SIPA1L3: variants seen among roughly 807,000 people sequenced by gnomAD.
SIPA1L3 encodes the protein signal induced proliferation associated 1 like 3.
In SIPA1L3, 59 loss-of-function variants were observed where a neutral mutation model predicts 150.1. The observed-to-expected ratio is 0.39, with a 90% confidence interval of 0.32 to 0.49. The LOEUF is 0.49. Ranked by LOEUF, SIPA1L3 falls within the 20% of genes least tolerant of loss-of-function variation. The pLI, the probability that SIPA1L3 is intolerant of heterozygous loss-of-function variation, is 0.86. For missense variants in SIPA1L3, 2,211 were observed against 2,489.5 expected, an observed-to-expected ratio of 0.89 and a Z score of 2.38; for synonymous variants, 1,070 against 1,077.6, an observed-to-expected ratio of 0.99 and a Z score of 0.14.
intron 1 of SIPA1L3, among the ~76,000 whole-genome samples, chr19:38,020,524 G>A (rs1968349527): frequency 6.6e-6 from 1 of 152,166 alleles, no homozygotes. Context: ...TCCAGCAAAT[G>A]GCTGGTGACA....
intron 9 of SIPA1L3, among the ~76,000 whole-genome samples, chr19:38,123,728 A>G (rs1244148006): frequency 6.6e-6 from 1 of 151,930 alleles, no homozygotes; most frequent in African/African-American, 2.4e-5. Flanking sequence ...CCCCCTTTCT[A>G]TTCCACAAAA....
At chr19:38,072,742 G>A (rs729625) in intron 2 of SIPA1L3, among the ~76,000 whole-genome samples, 2 of 152,162 alleles carry the variant, frequency 1.3e-5, no homozygotes, top group Non-Finnish European at 2.9e-5. Flanking sequence ...AAGGGAAGTC[G>A]GGACTGTTGG....
At chr19:38,142,738 T>TA in intron 12 of SIPA1L3, 28 bp downstream of exon 12, 2 of 1,602,018 alleles carry the variant, frequency 1.2e-6, no homozygotes, top group South Asian at 1.1e-5. Context: ...CTTTTCATGT[T>TA]AAGGGATCTG....
chr19:38,015,203 A>G (rs967509314), intron 1 of SIPA1L3, among the ~76,000 whole-genome samples: 1 of 152,228 alleles, frequency 6.6e-6, no homozygotes, highest in African/African-American at 2.4e-5. Flanking sequence ...TTATACGTAT[A>G]TATGTCATTC....
intron 3 of SIPA1L3, among the ~76,000 whole-genome samples, chr19:38,084,633 T>C (rs1461476882): frequency 6.8e-6 from 1 of 146,692 alleles, no homozygotes; most frequent in African/African-American, 2.5e-5. Flanking sequence ...TTTTTTCTTT[T>C]TCTTTTTTTT....
chr19:38,188,338 G>A (rs929867718), intron 16 of SIPA1L3, among the ~76,000 whole-genome samples: 1 of 151,672 alleles, frequency 6.6e-6, no homozygotes, highest in Non-Finnish European at 1.5e-5. Flanking sequence ...GTGCCCGCCA[G>A]CATGCCCGGC....
At chr19:38,059,907 T>G (rs1969410972) in intron 2 of SIPA1L3, among the ~76,000 whole-genome samples, 1 of 152,148 alleles carries the variant, frequency 6.6e-6, no homozygotes, top group Non-Finnish European at 1.5e-5. Flanking sequence ...CCCAAGTAGC[T>G]GGGATTACAG....
chr19:38,136,176 A>G (rs1459431630), intron 10 of SIPA1L3, among the ~76,000 whole-genome samples: 6 of 101,586 alleles, frequency 5.9e-5, no homozygotes, highest in African/African-American at 2.3e-4. Context: ...AGAGAGTGAG[A>G]CTGTCTCAAA....
At chr19:38,113,034 C>T (rs972163046) in intron 8 of SIPA1L3, among the ~76,000 whole-genome samples, 2 of 151,902 alleles carry the variant, frequency 1.3e-5, no homozygotes, top group African/African-American at 4.8e-5. Context: ...ATGGTGAAAC[C>T]CCATCTCTAC....
chr19:38,127,767 T>A (rs1971209407), intron 9 of SIPA1L3, among the ~76,000 whole-genome samples: 1 of 152,120 alleles, frequency 6.6e-6, no homozygotes, highest in Non-Finnish European at 1.5e-5. Flanking sequence ...CTAAAAGTGT[T>A]GAGATTACAG....
chr19:37,992,042 T>A (rs938812794), intron 1 of SIPA1L3, among the ~76,000 whole-genome samples: 1 of 54,816 alleles, frequency 1.8e-5, no homozygotes, highest in African/African-American at 9.6e-5. Flanking sequence ...TGCAGAGTGT[T>A]CAGTCCACAG....
chr19:37,957,328 T>C (rs377232197), intron 1 of SIPA1L3, among the ~76,000 whole-genome samples: 1 of 152,222 alleles, frequency 6.6e-6, no homozygotes, highest in Admixed American at 6.5e-5. Flanking sequence ...TGCTGGGATT[T>C]GATAGACTGT....
chr19:38,196,641 TGGAGGTCAAGGGAAGAGCAA>T (rs1302594204), intron 18 of SIPA1L3, among the ~76,000 whole-genome samples: 69 of 120,006 alleles, frequency 5.7e-4, no homozygotes, highest in Middle Eastern at 8.8e-3. Flanking sequence ...GGGTGGAGCA[TGGAGGTCAAGGGAAGAGCAA>T]GGAGGCCAAG....
Position 38,125,618 on chromosome 19 carries a change from G to A in SIPA1L3, c.2869-4880G>A, listed in dbSNP as rs370909463. On this transcript the variant is annotated intron_variant, in intron 9 of 21. Coordinates refer to ENST00000222345, the MANE Select transcript of SIPA1L3 (RefSeq NM_015073.3). ...GGAATGGTGACATAAGCCATCTCCC[G>A]TGGAGGGGCAGGCCCGTTTTGAATG... Among the ~76,000 whole-genome samples, 3 of 151,710 alleles carry A rather than the reference G, an allele frequency of 2.0e-5. No individual in the cohort carries two copies. In the South Asian group the frequency reaches 6.3e-4, roughly 32 times the overall value.
chr19:38,043,158 G>A (rs965108907), intron 2 of SIPA1L3, among the ~76,000 whole-genome samples: 3 of 152,096 alleles, frequency 2.0e-5, no homozygotes, highest in African/African-American at 7.2e-5. Context: ...TGGCCAACAT[G>A]GTGAAACCCC....
intron 10 of SIPA1L3, among the ~76,000 whole-genome samples, chr19:38,139,258 T>G (rs1012899787): frequency 6.6e-6 from 1 of 152,132 alleles, no homozygotes; most frequent in African/African-American, 2.4e-5. Context: ...ACATGACAAT[T>G]CTGTGCTAGT....
intron 1 of SIPA1L3, among the ~76,000 whole-genome samples, chr19:37,949,663 C>CA (rs934301249): frequency 1.5e-3 from 199 of 132,104 alleles, no homozygotes; most frequent in East Asian, 0.014. Flanking sequence ...AACTCTGTCT[C>CA]AAAAAAAAAA....
intron 1 of SIPA1L3, among the ~76,000 whole-genome samples, chr19:37,988,956 T>C (rs750151832): frequency 1.7e-4 from 26 of 152,126 alleles, no homozygotes; most frequent in Non-Finnish European, 3.1e-4. Context: ...GAAGTCACCC[T>C]CCCAGCGAGG....
intron 1 of SIPA1L3, among the ~76,000 whole-genome samples, chr19:37,948,649 T>C (rs1023666644): frequency 6.6e-6 from 1 of 152,134 alleles, no homozygotes; most frequent in Non-Finnish European, 1.5e-5. Context: ...ACACAAGTGC[T>C]GGGGCCACAG....
Sources: allele counts gnomAD v4.1 joint callset (sites outside exome capture counted in the v4.1 genomes callset), GRCh38; gene constraint gnomAD v4.1.1; transcripts MANE v1.5; gene names NCBI Gene and HGNC (gene_info 2026-07-23, HGNC 2026-07-21).